Variants in PHF20 observed in about 807,000 individuals in gnomAD.
PHF20 encodes PHD finger protein 20, also known as glioma-expressed antigen 2.
A neutral mutation model predicts 113.5 loss-of-function variants in PHF20; 23 were observed. That is an observed-to-expected ratio of 0.20 (90% CI 0.15 to 0.29). PHF20 has a LOEUF of 0.29. PHF20 is among the 10% of genes least tolerant of loss of function. The pLI is 1.00. For synonymous variants in PHF20, 434 were observed against 457.3 expected, an observed-to-expected ratio of 0.95 and a Z score of 0.65; for missense variants, 943 against 1,219.6, an observed-to-expected ratio of 0.77 and a Z score of 3.38.
rs780729439 is a variant in PHF20 at position 35,917,597 on chromosome 20, C to T, written c.1939C>T (p.Arg647Cys). ...NPDEELDGDD[R>C]YDFEVVRCIC... ...AGATGAGGAACTTGATGGGGATGAC[C>T]GCTATGACTTCGAGGTGGTCCGCTG... Residue 647 changes from arginine (R) to cysteine (C), a missense_variant, in exon 13 of 18, where the codon CGC (arginine) becomes TGC (cysteine). Physicochemically the swap from Arg to Cys is radical, Grantham distance 180. Coordinates refer to ENST00000374012, the MANE Select transcript of PHF20 (RefSeq NM_016436.5). The T allele has an allele frequency of 2.4e-5, 38 of 1,613,852 alleles. No individual in the cohort carries two copies. The highest frequency in any genetic ancestry group is 3.3e-5 in the South Asian group (3 of 91,060).
At chr20:35,807,781 AT>A (rs772129525) in intron 2 of PHF20, among the ~76,000 whole-genome samples, 14 of 152,170 alleles carry the variant, frequency 9.2e-5, no homozygotes, top group Non-Finnish European at 1.5e-4. Context: ...GATTTATGAC[AT>A]TTATGAGATT....
At chr20:35,841,041 A>G (rs2042526620) in intron 2 of PHF20, among the ~76,000 whole-genome samples, 6 of 152,090 alleles carry the variant, frequency 3.9e-5, no homozygotes. Context: ...CTCCTCTTTA[A>G]AAAGTAAGTC....
chr20:35,778,725 C>T (rs2041223990), intron 1 of PHF20, among the ~76,000 whole-genome samples: 2 of 151,178 alleles, frequency 1.3e-5, no homozygotes, highest in South Asian at 4.2e-4. Context: ...TGCGCTTCAG[C>T]CTGGGCAACA....
chr20:35,892,224 ATTTTTTTTT>A (rs780490898), intron 9 of PHF20, among the ~76,000 whole-genome samples: 10 of 102,528 alleles, frequency 9.8e-5, no homozygotes, highest in East Asian at 6.3e-4. Context: ...CGCCTGGCTG[ATTTTTTTTT>A]TTTTTTTTTT....
At chr20:35,926,506 T>TCAC (rs1293312548) in intron 13 of PHF20, among the ~76,000 whole-genome samples, 9 of 152,120 alleles carry the variant, frequency 5.9e-5, no homozygotes, top group Non-Finnish European at 1.2e-4. Flanking sequence ...CCCAAAGTGC[T>TCAC]GGGATTACAA....
chr20:35,935,645 G>A (rs552575411), intron 15 of PHF20, among the ~76,000 whole-genome samples: 1 of 152,240 alleles, frequency 6.6e-6, no homozygotes, highest in South Asian at 2.1e-4. Context: ...GGGATTACAG[G>A]CATGAGCCAC....
At chr20:35,812,373 C>T (rs567458280) in intron 2 of PHF20, among the ~76,000 whole-genome samples, 255 of 151,980 alleles carry the variant, frequency 1.7e-3, no homozygotes, top group Non-Finnish European at 2.2e-3. Flanking sequence ...GAGCAGAGAT[C>T]GAGCCACTGC....
chr20:35,911,988 T>C (rs552741782), intron 10 of PHF20, among the ~76,000 whole-genome samples: 6 of 150,438 alleles, frequency 4.0e-5, no homozygotes, highest in Admixed American at 6.6e-5. Context: ...TTTCTTTTTT[T>C]TTTTTTTCTT....
intron 2 of PHF20, among the ~76,000 whole-genome samples, chr20:35,815,542 T>C (rs1248077662): frequency 6.6e-6 from 1 of 152,104 alleles, no homozygotes; most frequent in Non-Finnish European, 1.5e-5. Context: ...CTCAGCTCAC[T>C]GCAACCTCCA....
At chr20:35,838,803 C>T (rs1163736326) in intron 2 of PHF20, among the ~76,000 whole-genome samples, 2 of 148,228 alleles carry the variant, frequency 1.3e-5, no homozygotes, top group Non-Finnish European at 3.0e-5. Context: ...GCCTGGGCAA[C>T]ATAGTGAGAC....
chr20:35,917,774 G>C (rs2055434917), intron 13 of PHF20, 112 bp downstream of exon 13: 5 of 874,072 alleles, frequency 5.7e-6, no homozygotes, highest in Admixed American at 2.8e-5. Flanking sequence ...AACACAGCAC[G>C]AACGGCAGCA....
At chr20:35,946,651 TTTTTATTTTA>T (rs1157595006) in intron 17 of PHF20, among the ~76,000 whole-genome samples, 96 of 149,302 alleles carry the variant, frequency 6.4e-4, no homozygotes, top group Middle Eastern at 3.4e-3. Context: ...AGCTTTTTAT[TTTTTATTTTA>T]TTTTATTTTA....
At chr20:35,842,510 A>T (rs776596827) in intron 2 of PHF20, 63 bp from the exon 3 acceptor site, 78 of 1,406,294 alleles carry the variant, frequency 5.5e-5, no homozygotes, top group Admixed American at 1.1e-4. Flanking sequence ...ATGTACCATT[A>T]TGGATATTTG....
At chr20:35,844,908 A>T (rs2042596169) in intron 3 of PHF20, among the ~76,000 whole-genome samples, 1 of 152,136 alleles carries the variant, frequency 6.6e-6, no homozygotes, top group South Asian at 2.1e-4. Flanking sequence ...CCCATTTTAA[A>T]CTGTATAGTT....
intron 9 of PHF20, among the ~76,000 whole-genome samples, chr20:35,888,610 C>CT (rs2054782936): frequency 6.6e-6 from 1 of 152,154 alleles, no homozygotes; most frequent in Admixed American, 6.5e-5. Context: ...GAACCAGCAA[C>CT]TTTAAGATTT....
At chr20:35,897,736 T>C (rs1223211024) in intron 9 of PHF20, among the ~76,000 whole-genome samples, 2 of 151,616 alleles carry the variant, frequency 1.3e-5, no homozygotes, top group Non-Finnish European at 2.9e-5. Context: ...CCGACTAATT[T>C]TGTTGTATTT....
At chr20:35,794,340 A>G (rs2041625909) in intron 1 of PHF20, among the ~76,000 whole-genome samples, 1 of 151,308 alleles carries the variant, frequency 6.6e-6, no homozygotes, top group Non-Finnish European at 1.5e-5. Context: ...ACCCTTATGT[A>G]TGTGCTTATC....
chr20:35,794,743 A>G (rs2041633928), intron 1 of PHF20, among the ~76,000 whole-genome samples: 1 of 152,072 alleles, frequency 6.6e-6, no homozygotes, highest in East Asian at 1.9e-4. Flanking sequence ...TTCCATACCC[A>G]TCTATCACTT....
Position 35,871,836 on chromosome 20 carries a change from A to G in PHF20, c.1282+7A>G. 2.5e-6 allele frequency: 4 copies of G among 1,584,266 alleles called. No homozygotes were observed. Among genetic ancestry groups the G allele is most frequent in the Non-Finnish European group, 3.4e-6 (4 of 1,162,486 alleles). ...GAGATTTCGACTGTGGAAGGTTCAT[A>G]TTTAGAGTTAAATTAATCCTCTTTT... On this transcript the variant is annotated splice_region_variant and intron_variant, in intron 9 of 17. Transcript: ENST00000374012.
Sources: allele counts gnomAD v4.1 joint callset (sites outside exome capture counted in the v4.1 genomes callset), GRCh38; gene constraint gnomAD v4.1.1; transcripts MANE v1.5; gene names NCBI Gene and HGNC (gene_info 2026-07-23, HGNC 2026-07-21).